Variants in SNTG2 observed in about 807,000 individuals in gnomAD.
SNTG2 encodes the protein gamma-2-syntrophin.
SNTG2 carries 74 observed loss-of-function variants against 70.9 expected under a neutral mutation model. The observed-to-expected ratio is 1.04, with a 90% CI of 0.86 to 1.27. The LOEUF is 1.27. Among genes scored for constraint, SNTG2 ranks in the 50% most tolerant of loss-of-function variants. The probability of loss-of-function intolerance (pLI) is 0.00; values close to 1 mark genes in which losing one functional copy is unlikely to be tolerated. For missense variants in SNTG2, 717 were observed against 690.7 expected, an observed-to-expected ratio of 1.04 and a Z score of -0.43; for synonymous variants, 278 against 273.8, an observed-to-expected ratio of 1.02 and a Z score of -0.15.
rs6729178 is a variant in SNTG2, at chr2:1,097,930, C to T, written c.211-266C>T. The stretch of plus-strand genomic sequence containing the variant: ...CCGTTCCTCACAAGCAGAATGCAGA[C>T]GGGATGACAGTTCTGTGGGGATTCT... On this transcript the variant is annotated intron_variant, in intron 2 of 16. Coordinates refer to ENST00000308624, the MANE Select transcript of SNTG2 (RefSeq NM_018968.4). The surrounding 1 kb of genome is among the most constrained non-coding windows in gnomAD (Gnocchi z 4.1). Among the ~76,000 whole-genome samples the T allele has an allele frequency of 0.12, 18,851 of 151,434 alleles. 1,317 individuals carry two copies. Among genetic ancestry groups the T allele is most frequent in the Admixed American group, 0.16 (2,371 of 15,188 alleles).
chr2:1,032,642 G>C (rs1166390002), intron 1 of SNTG2, among the ~76,000 whole-genome samples: 1 of 152,198 alleles, frequency 6.6e-6, no homozygotes, highest in Admixed American at 6.5e-5. Flanking sequence ...TCTGAATTAA[G>C]AAGGACAACA....
intron 8 of SNTG2, among the ~76,000 whole-genome samples, chr2:1,198,415 A>G (rs115557072): frequency 0.012 from 1,866 of 152,124 alleles, 37 homozygotes; most frequent in African/African-American, 0.042. Context: ...TATAGCAAAA[A>G]CAGGACTAAG....
At chr2:971,798 A>G (rs1660752041) in intron 1 of SNTG2, among the ~76,000 whole-genome samples, 1 of 151,694 alleles carries the variant, frequency 6.6e-6, no homozygotes, top group Non-Finnish European at 1.5e-5. Flanking sequence ...GGTGTTCAGC[A>G]CTATAAACTT....
chr2:1,016,916 T>G (rs1222040240), intron 1 of SNTG2, among the ~76,000 whole-genome samples: 1 of 152,186 alleles, frequency 6.6e-6, no homozygotes, highest in African/African-American at 2.4e-5. Context: ...TGGTCTCTTA[T>G]CAGGAGAAAA....
chr2:981,477 A>G (rs1572187313), intron 1 of SNTG2, among the ~76,000 whole-genome samples: 1 of 150,646 alleles, frequency 6.6e-6, no homozygotes, highest in East Asian at 1.9e-4. Flanking sequence ...ATGCTCACAC[A>G]TGCACATGAG....
intron 1 of SNTG2, among the ~76,000 whole-genome samples, chr2:1,006,244 T>C (rs967006122): frequency 1.3e-4 from 20 of 151,494 alleles, no homozygotes; most frequent in African/African-American, 4.1e-4. Context: ...CGCACTAGCA[T>C]GGCACATGTA....
chr2:1,083,224 A>G (rs989194241), intron 1 of SNTG2, among the ~76,000 whole-genome samples: 17 of 142,686 alleles, frequency 1.2e-4, no homozygotes, highest in African/African-American at 4.4e-4. Flanking sequence ...AATTATTAAA[A>G]TAAAATACTA....
At chr2:1,254,129 G>A (rs147011364) in intron 12 of SNTG2, among the ~76,000 whole-genome samples, 2 of 152,322 alleles carry the variant, frequency 1.3e-5, no homozygotes, top group African/African-American at 2.4e-5. Flanking sequence ...GACCCCAACC[G>A]TATCAGAAGG....
intron 16 of SNTG2, among the ~76,000 whole-genome samples, chr2:1,318,547 G>A (rs1048082595): frequency 1.3e-5 from 2 of 152,230 alleles, no homozygotes; most frequent in East Asian, 1.9e-4. Flanking sequence ...AGCGGCACTC[G>A]TGCTGACCGC....
intron 16 of SNTG2, among the ~76,000 whole-genome samples, chr2:1,333,371 CT>C (rs1201628311): frequency 2.6e-5 from 4 of 152,128 alleles, no homozygotes; most frequent in Non-Finnish European, 5.9e-5. Context: ...AATGACTATA[CT>C]GCTGAAAGTA....
chr2:1,288,803 C>A (rs1679873701), intron 14 of SNTG2, among the ~76,000 whole-genome samples: 1 of 152,096 alleles, frequency 6.6e-6, no homozygotes. Flanking sequence ...CATGTATTCA[C>A]ACATGCTCAT....
intron 9 of SNTG2, among the ~76,000 whole-genome samples, chr2:1,222,031 A>C (rs1553362127): frequency 0.21 from 300 of 1,448 alleles, 59 homozygotes; most frequent in Non-Finnish European, 0.28. Context: ...GTCTCTGCCT[A>C]TCTCTGTCTC....
At chr2:1,106,610 G>A in intron 4 of SNTG2, among the ~76,000 whole-genome samples, 1 of 143,512 alleles carries the variant, frequency 7.0e-6, no homozygotes, top group Admixed American at 6.8e-5. Flanking sequence ...TGTCACTTGG[G>A]TGCAGGGTAT....
chr2:1,197,477 A>G (rs1407537314), intron 8 of SNTG2, among the ~76,000 whole-genome samples: 1 of 92,896 alleles, frequency 1.1e-5, no homozygotes, highest in Non-Finnish European at 2.5e-5. Flanking sequence ...ATATATGTGT[A>G]TATATATATG....
At position 1,047,567 on chromosome 2, in the gene SNTG2, C is replaced by G. The variant is rs534595206; in HGVS notation, c.73-35951C>G. On this transcript the variant is annotated intron_variant, in intron 1 of 16. Coordinates refer to ENST00000308624, the MANE Select transcript of SNTG2 (RefSeq NM_018968.4). ...TCTGGATGTTTTCAGAGGGCCAAGG[C>G]TTTGTGCTGGGTCTTCATTTGTAGT... 4.5e-4 allele frequency among the ~76,000 whole-genome samples: 68 copies of G among 152,268 alleles called. 1 individual carries two copies. The highest frequency in any genetic ancestry group is 1.5e-3 in the African/African-American group (64 of 41,532).
chr2:1,294,039 T>C (rs2148225419), intron 14 of SNTG2, among the ~76,000 whole-genome samples: 1 of 152,288 alleles, frequency 6.6e-6, no homozygotes, highest in South Asian at 2.1e-4. Flanking sequence ...CACCATAGCC[T>C]CTTAGCTGAC....
At chr2:972,454 GC>G (rs1660775081) in intron 1 of SNTG2, among the ~76,000 whole-genome samples, 2 of 152,166 alleles carry the variant, frequency 1.3e-5, no homozygotes. Context: ...AGTAACTCCT[GC>G]TTTTTTTTAC....
chr2:1,239,394 G>T (rs74603304), intron 10 of SNTG2, among the ~76,000 whole-genome samples: 8 of 152,158 alleles, frequency 5.3e-5, no homozygotes, highest in Non-Finnish European at 1.0e-4. Flanking sequence ...TGTGATCACC[G>T]TAATTACCAT....
intron 9 of SNTG2, among the ~76,000 whole-genome samples, chr2:1,209,899 A>C (rs1238544427): frequency 6.6e-6 from 1 of 152,060 alleles, no homozygotes; most frequent in Non-Finnish European, 1.5e-5. Flanking sequence ...TTAATTGAGC[A>C]CTGTACTTCC....
Sources: allele counts gnomAD v4.1 joint callset (sites outside exome capture counted in the v4.1 genomes callset), GRCh38; gene constraint gnomAD v4.1.1; non-coding constraint Gnocchi (gnomAD v3.1); transcripts MANE v1.5; gene names NCBI Gene and HGNC (gene_info 2026-07-23, HGNC 2026-07-21).